NEGR1: variants seen among roughly 807,000 people sequenced by gnomAD.
NEGR1 encodes neuronal growth regulator 1.
In NEGR1, 10 loss-of-function variants were observed where a neutral mutation model predicts 40.9. The observed-to-expected ratio is 0.24, with a 90% CI of 0.15 to 0.42. The LOEUF (loss-of-function observed/expected upper bound fraction) is 0.42, where lower values mean the gene tolerates loss of function less well. Among genes scored for constraint, NEGR1 ranks in the 10% least tolerant of loss-of-function variants. The pLI, the probability that NEGR1 is intolerant of heterozygous loss-of-function variation, is 1.00. For missense variants in NEGR1, 352 were observed against 438.9 expected (o/e 0.80, Z 1.77); for synonymous variants, 185 against 166.8 (o/e 1.11, Z -0.84).
intron 3 of NEGR1, among the ~76,000 whole-genome samples, chr1:71,773,670 T>C (rs1457958761): frequency 6.6e-6 from 1 of 152,210 alleles, no homozygotes; most frequent in Non-Finnish European, 1.5e-5. Context: ...TTGTAAGTGT[T>C]TATAAAAATC....
At chr1:72,059,736 A>G (rs1647149216) in intron 1 of NEGR1, among the ~76,000 whole-genome samples, 1 of 151,660 alleles carries the variant, frequency 6.6e-6, no homozygotes, top group South Asian at 2.1e-4. Flanking sequence ...TCTCCTGCAT[A>G]TTAATATTAT....
intron 1 of NEGR1, among the ~76,000 whole-genome samples, chr1:72,218,166 A>T (rs1195235803): frequency 6.6e-6 from 1 of 151,800 alleles, no homozygotes; most frequent in African/African-American, 2.4e-5. Context: ...AACTACTTAA[A>T]TTCCATAAGT....
rs545156395 is a variant in NEGR1, at chr1:71,455,477, G to A, written c.941-47907C>T. 8.5e-5 allele frequency among the ~76,000 whole-genome samples: 13 copies of A among 152,156 alleles called. No homozygotes were observed. The South Asian group carries it at 1.0e-3, about 12-fold the overall frequency. On this transcript the variant is annotated intron_variant, in intron 6 of 6. Transcript: ENST00000357731. Reference sequence around the variant, plus strand: ...CACAGTGGCTCACGCCTGTAATCTCGGCACTTTGGGAGGATGAGGCAGGCA... The same window carrying A: ...CACAGTGGCTCACGCCTGTAATCTCAGCACTTTGGGAGGATGAGGCAGGCA...
At chr1:71,536,948 G>A (rs1176214401) in intron 6 of NEGR1, among the ~76,000 whole-genome samples, 1 of 151,584 alleles carries the variant, frequency 6.6e-6, no homozygotes, top group Non-Finnish European at 1.5e-5. Context: ...GTAGGTAATA[G>A]TTGAAACTAA....
chr1:72,237,140 G>T (rs992137298), intron 1 of NEGR1, among the ~76,000 whole-genome samples: 13 of 151,864 alleles, frequency 8.6e-5, no homozygotes, highest in African/African-American at 3.1e-4. Context: ...TCACCATATA[G>T]GTTTACTAGA....
At chr1:71,745,437 A>G (rs1316549804) in intron 3 of NEGR1, among the ~76,000 whole-genome samples, 2 of 152,024 alleles carry the variant, frequency 1.3e-5, no homozygotes, top group Non-Finnish European at 2.9e-5. Flanking sequence ...AATTCCTCTT[A>G]TTAAATATTT....
chr1:71,709,002 T>G (rs1653993072), intron 3 of NEGR1, among the ~76,000 whole-genome samples: 1 of 152,200 alleles, frequency 6.6e-6, no homozygotes, highest in Non-Finnish European at 1.5e-5. Flanking sequence ...TGATGGACAT[T>G]TAGGTTGATT....
chr1:71,471,364 A>G (rs1263230299), intron 6 of NEGR1, among the ~76,000 whole-genome samples: 1 of 152,100 alleles, frequency 6.6e-6, no homozygotes, highest in African/African-American at 2.4e-5. Flanking sequence ...TCCCACATTT[A>G]AAGATGCACC....
At chr1:71,609,575 G>C (rs1169099699) in intron 5 of NEGR1, among the ~76,000 whole-genome samples, 1 of 139,962 alleles carries the variant, frequency 7.1e-6, no homozygotes, top group Non-Finnish European at 1.5e-5. Context: ...ACTGTTATGG[G>C]GATATTATCC....
intron 4 of NEGR1, among the ~76,000 whole-genome samples, chr1:71,637,187 T>C (rs555339982): frequency 2.4e-4 from 37 of 152,212 alleles, no homozygotes; most frequent in African/African-American, 7.9e-4. Flanking sequence ...CCTACTTTCA[T>C]GTGCATGTGT....
At chr1:71,782,769 T>A (rs1433158161) in intron 2 of NEGR1, among the ~76,000 whole-genome samples, 2 of 152,162 alleles carry the variant, frequency 1.3e-5, no homozygotes, top group Non-Finnish European at 2.9e-5. Flanking sequence ...AAAATGTAAT[T>A]ATAATTTCAA....
chr1:72,138,656 A>G (rs1321487345), intron 1 of NEGR1, among the ~76,000 whole-genome samples: 1 of 152,082 alleles, frequency 6.6e-6, no homozygotes, highest in Non-Finnish European at 1.5e-5. Context: ...AAAGTGGCCA[A>G]TTAAGATTAC....
intron 2 of NEGR1, among the ~76,000 whole-genome samples, chr1:71,878,314 A>C (rs1471277414): frequency 2.0e-5 from 3 of 152,150 alleles, no homozygotes; most frequent in Non-Finnish European, 4.4e-5. Flanking sequence ...CCCAGCAGTG[A>C]TTCTTACACT....
At chr1:71,470,655 G>T (rs1468978451) in intron 6 of NEGR1, among the ~76,000 whole-genome samples, 1 of 152,046 alleles carries the variant, frequency 6.6e-6, no homozygotes, top group Non-Finnish European at 1.5e-5. Context: ...AGTAGGGCCA[G>T]GCCTTGGTAT....
At chr1:72,190,752 G>A (rs1035230750) in intron 1 of NEGR1, among the ~76,000 whole-genome samples, 15 of 151,490 alleles carry the variant, frequency 9.9e-5, no homozygotes, top group African/African-American at 3.6e-4. Flanking sequence ...TTATGTATAA[G>A]AAAACTAGGG....
rs1384874664 is a variant in NEGR1 at position 71,405,170 on chromosome 1, T to A, written c.*2276A>T. Reference sequence around the variant, plus strand: ...TGGTAAAAACACCAGACTCCACAAATTTGGAATCATGACAACACTTTGAAC... The same window carrying A: ...TGGTAAAAACACCAGACTCCACAAAATTGGAATCATGACAACACTTTGAAC... On this transcript the variant is annotated 3_prime_UTR_variant, in exon 7 of 7. Coordinates refer to ENST00000357731, the MANE Select transcript of NEGR1 (RefSeq NM_173808.3). 6.6e-6 allele frequency: 1 copy of A among 152,236 alleles called. No individual in the cohort carries two copies. The highest frequency in any genetic ancestry group is 1.5e-5 in the Non-Finnish European group (1 of 67,772). The allele number at this position is 152,236 out of a possible 1,614,324, so 9.4% of individuals were successfully genotyped here. A position where few individuals can be genotyped will look rare whatever the true frequency, so the allele number is the denominator to read the frequency against.
intron 6 of NEGR1, among the ~76,000 whole-genome samples, chr1:71,510,854 G>C (rs1242414218): frequency 6.6e-6 from 1 of 152,198 alleles, no homozygotes; most frequent in Admixed American, 6.5e-5. Context: ...GTGGGTGAAT[G>C]TGTGTTTCTC....
At chr1:71,515,642 C>A (rs79420742) in intron 6 of NEGR1, among the ~76,000 whole-genome samples, 4,698 of 98,688 alleles carry the variant, frequency 0.048, 479 homozygotes, top group Middle Eastern at 0.082. Flanking sequence ...AAAGACCATC[C>A]AGACTAGGAA....
At chr1:72,012,590 T>G (rs1361334235) in intron 1 of NEGR1, among the ~76,000 whole-genome samples, 1 of 151,968 alleles carries the variant, frequency 6.6e-6, no homozygotes, top group Non-Finnish European at 1.5e-5. Context: ...AAAGTTTGAA[T>G]TTTTTATATG....
Sources: allele counts gnomAD v4.1 joint callset (sites outside exome capture counted in the v4.1 genomes callset), GRCh38; gene constraint gnomAD v4.1.1; transcripts MANE v1.5; gene names NCBI Gene and HGNC (gene_info 2026-07-23, HGNC 2026-07-21).